EDN1: variants seen among roughly 807,000 people sequenced by gnomAD.
EDN1 encodes endothelin-1.
In EDN1, 11 loss-of-function variants were observed where a neutral mutation model predicts 21.7. The observed-to-expected ratio is 0.51, with a 90% CI of 0.32 to 0.84. The LOEUF (loss-of-function observed/expected upper bound fraction) is 0.84. Ranked by LOEUF, EDN1 falls within the 40% of genes least tolerant of loss-of-function variation. The pLI, the probability that EDN1 is intolerant of heterozygous loss-of-function variation, is 0.03. For synonymous variants in EDN1, 85 were observed against 90.6 expected (o/e 0.94, Z 0.35); for missense variants, 244 against 262.3 (o/e 0.93, Z 0.48).
At chr6:12,262,207 G>C in the EDN1 span, among the ~76,000 whole-genome samples, 1 of 152,218 alleles carries the variant, frequency 6.6e-6, no homozygotes, top group African/African-American at 2.4e-5. Flanking sequence ...GGAATGAAGT[G>C]GTAGGGAAGA....
chr6:12,253,598 A>T, the EDN1 span, among the ~76,000 whole-genome samples: 1 of 152,194 alleles, frequency 6.6e-6, no homozygotes, highest in Non-Finnish European at 1.5e-5. Context: ...TTACACACAC[A>T]TGTGCACACA....
the EDN1 span, among the ~76,000 whole-genome samples, chr6:12,281,231 CCCAGT>C: frequency 2.0e-5 from 3 of 152,128 alleles, no homozygotes; most frequent in South Asian, 4.1e-4. Flanking sequence ...ATTGTTTCAC[CCCAGT>C]CAACATTCAG....
At chr6:12,254,567 A>T in the EDN1 span, among the ~76,000 whole-genome samples, 1 of 152,214 alleles carries the variant, frequency 6.6e-6, no homozygotes, top group Non-Finnish European at 1.5e-5. Flanking sequence ...TTTTAATATT[A>T]AATGAGAAAT....
chr6:12,252,262 A>G, the EDN1 span, among the ~76,000 whole-genome samples: 2 of 152,218 alleles, frequency 1.3e-5, no homozygotes, highest in African/African-American at 4.8e-5. Flanking sequence ...TTGCTGCTGA[A>G]GTTCTAATAG....
chr6:12,246,330 A>G, the EDN1 span, among the ~76,000 whole-genome samples: 1 of 152,160 alleles, frequency 6.6e-6, no homozygotes, highest in Non-Finnish European at 1.5e-5. Flanking sequence ...TGCAGCTCAG[A>G]TGCAATCACT....
At chr6:12,243,952 C>CT in the EDN1 span, among the ~76,000 whole-genome samples, 2 of 152,082 alleles carry the variant, frequency 1.3e-5, no homozygotes. Context: ...GAAACTTTCT[C>CT]TTTTTTTATA....
intron 1 of EDN1, 44 bp from the exon 2 acceptor site, chr6:12,292,297 G>C (rs745505730): frequency 4.2e-5 from 68 of 1,609,838 alleles, no homozygotes; most frequent in Non-Finnish European, 5.3e-5. Flanking sequence ...GTCTCTCGGC[G>C]TTTGAGGAGA....
chr6:12,263,036 A>C, the EDN1 span, among the ~76,000 whole-genome samples: 2 of 152,146 alleles, frequency 1.3e-5, no homozygotes, highest in Non-Finnish European at 2.9e-5. Context: ...TAAGGAGTCA[A>C]TGTGCACATT....
the EDN1 span, among the ~76,000 whole-genome samples, chr6:12,243,270 G>A: frequency 6.8e-6 from 1 of 147,866 alleles, no homozygotes; most frequent in Non-Finnish European, 1.5e-5. Flanking sequence ...CATCCGTGAT[G>A]TCCTCACATT....
upstream of EDN1, among the ~76,000 whole-genome samples, chr6:12,289,972 A>G (rs1762631830): frequency 6.6e-6 from 1 of 152,174 alleles, no homozygotes; most frequent in African/African-American, 2.4e-5. Context: ...CCCGCACACA[A>G]CAATACAATC....
the EDN1 span, among the ~76,000 whole-genome samples, chr6:12,247,807 G>A: frequency 6.6e-6 from 1 of 151,918 alleles, no homozygotes; most frequent in Non-Finnish European, 1.5e-5. Flanking sequence ...CCAAAGTGCT[G>A]GGATTACAGG....
the EDN1 span, among the ~76,000 whole-genome samples, chr6:12,257,722 T>G: frequency 6.6e-6 from 1 of 152,226 alleles, no homozygotes; most frequent in Non-Finnish European, 1.5e-5. Flanking sequence ...ACTCTTCATT[T>G]CTTACTCTTT....
chr6:12,251,325 TA>T, the EDN1 span, among the ~76,000 whole-genome samples: 256 of 152,276 alleles, frequency 1.7e-3, 1 homozygote, highest in African/African-American at 6.0e-3. Context: ...TAGATCTTGC[TA>T]AAAATCAATA....
chr6:12,239,926 G>A, the EDN1 span, among the ~76,000 whole-genome samples: 259 of 152,132 alleles, frequency 1.7e-3, 1 homozygote, highest in African/African-American at 6.0e-3. Context: ...AACAGAAAAG[G>A]AAAAAGAAAG....
chr6:12,238,054 C>T, the EDN1 span, among the ~76,000 whole-genome samples: 2 of 151,804 alleles, frequency 1.3e-5, no homozygotes, highest in African/African-American at 4.8e-5. Flanking sequence ...CATCTGTCAT[C>T]CCAGCTACTC....
At chr6:12,252,691 T>TA in the EDN1 span, among the ~76,000 whole-genome samples, 1 of 152,118 alleles carries the variant, frequency 6.6e-6, no homozygotes, top group Non-Finnish European at 1.5e-5. Flanking sequence ...GACAGAAAAG[T>TA]AGAGAAAGAA....
At chr6:12,244,253 C>T in the EDN1 span, among the ~76,000 whole-genome samples, 4 of 151,838 alleles carry the variant, frequency 2.6e-5, no homozygotes, top group South Asian at 8.3e-4. Flanking sequence ...GATCTTTTGC[C>T]CATGCATGAT....
chr6:12,275,830 GATGCATGC>G, the EDN1 span, among the ~76,000 whole-genome samples: 2 of 143,876 alleles, frequency 1.4e-5, no homozygotes, highest in Non-Finnish European at 1.5e-5. Context: ...TGTGTGTGTG[GATGCATGC>G]ATGCCCATTT....
chr6:12,262,627 T>G, the EDN1 span, among the ~76,000 whole-genome samples: 1 of 152,296 alleles, frequency 6.6e-6, no homozygotes, highest in South Asian at 2.1e-4. Flanking sequence ...ATCCCAGCAC[T>G]TTGGGAGGCC....
Sources: allele counts gnomAD v4.1 joint callset (sites outside exome capture counted in the v4.1 genomes callset), GRCh38; gene constraint gnomAD v4.1.1; transcripts MANE v1.5; gene names NCBI Gene and HGNC (gene_info 2026-07-23, HGNC 2026-07-21).